KCNMA1: variants seen among roughly 807,000 people sequenced by gnomAD.
KCNMA1 encodes the protein Calcium-activated potassium channel subunit alpha-1.
In KCNMA1, 29 loss-of-function variants were observed where a neutral mutation model predicts 140.0. That is an observed-to-expected ratio of 0.21 (90% CI 0.15 to 0.28). KCNMA1 has a LOEUF of 0.28. KCNMA1 is among the 10% of genes least tolerant of loss of function. KCNMA1 has a pLI of 1.00. For synonymous variants in KCNMA1, 612 were observed against 611.9 expected (o/e 1.00, Z 0.00); for missense variants, 880 against 1,602.2 (o/e 0.55, Z 7.70).
chr10:77,579,994 A>G (rs2075383002), intron 1 of KCNMA1, among the ~76,000 whole-genome samples: 1 of 152,192 alleles, frequency 6.6e-6, no homozygotes, highest in African/African-American at 2.4e-5. Flanking sequence ...CTCCCCACAC[A>G]TATCCAGCTA....
intron 5 of KCNMA1, among the ~76,000 whole-genome samples, chr10:77,151,653 C>G (rs2098419963): frequency 6.6e-6 from 1 of 152,168 alleles, no homozygotes; most frequent in Non-Finnish European, 1.5e-5. Context: ...GGGCCAGATA[C>G]ATTTGAATGC....
intron 5 of KCNMA1, among the ~76,000 whole-genome samples, chr10:77,163,668 G>A (rs2098598241): frequency 6.6e-6 from 1 of 152,222 alleles, no homozygotes. Context: ...CAACAGTGAG[G>A]AGAGCTAAGA....
chr10:77,598,464 C>A (rs1722029011), intron 1 of KCNMA1, among the ~76,000 whole-genome samples: 1 of 152,182 alleles, frequency 6.6e-6, no homozygotes, highest in African/African-American at 2.4e-5. Flanking sequence ...CCACCCTAGG[C>A]CCTAAGCACT....
intron 3 of KCNMA1, among the ~76,000 whole-genome samples, chr10:77,185,216 C>T (rs942285197): frequency 6.6e-6 from 1 of 151,874 alleles, no homozygotes; most frequent in African/African-American, 2.4e-5. Flanking sequence ...TGCAGATACC[C>T]TGGAGGAAGG....
intron 2 of KCNMA1, among the ~76,000 whole-genome samples, chr10:77,366,854 C>G (rs925329440): frequency 4.6e-5 from 7 of 152,150 alleles, no homozygotes; most frequent in Non-Finnish European, 1.0e-4. Context: ...ATTATTTTCC[C>G]CATAGTTCCT....
chr10:76,891,707 C>A lies in KCNMA1; in HGVS notation c.3160G>T (p.Asp1054Tyr). The change falls in exon 26 of 28, where the codon GAC becomes TAC. Residue 1054 changes from aspartate (D) to tyrosine (Y), a missense_variant. By Grantham distance (160) the Asp-to-Tyr change is radical. Coordinates refer to ENST00000286628, the MANE Select transcript of KCNMA1 (RefSeq NM_001161352.2). ...GTCCGTATCAGGGTGAGGATATTGT[C>A]ATTGAAGTACGTCTGGGGAAGGAGA... ...DSLMSATYFN[D>Y]NILTLIRTLV... 1.2e-6 allele frequency: 2 copies of A among 1,613,862 alleles called. No individual in the cohort carries two copies. Among genetic ancestry groups the A allele is most frequent in the South Asian group, 2.2e-5 (2 of 91,060 alleles).
At chr10:77,474,924 A>C (rs982864463) in intron 1 of KCNMA1, among the ~76,000 whole-genome samples, 1 of 152,086 alleles carries the variant, frequency 6.6e-6, no homozygotes, top group Non-Finnish European at 1.5e-5. Context: ...CAGGACTAAC[A>C]ATTTTGCCCC....
At chr10:77,413,690 T>C (rs548403179) in intron 1 of KCNMA1, among the ~76,000 whole-genome samples, 2 of 152,238 alleles carry the variant, frequency 1.3e-5, no homozygotes, top group Admixed American at 6.5e-5. Context: ...GGAAGTTGCA[T>C]AGTCCAACCT....
At chr10:77,457,380 T>C (rs2097778053) in intron 1 of KCNMA1, among the ~76,000 whole-genome samples, 1 of 152,132 alleles carries the variant, frequency 6.6e-6, no homozygotes, top group Non-Finnish European at 1.5e-5. Context: ...AGAGAACATG[T>C]CCATCATTAT....
chr10:77,093,520 G>A (rs925207568), intron 9 of KCNMA1, among the ~76,000 whole-genome samples: 1 of 152,204 alleles, frequency 6.6e-6, no homozygotes, highest in Non-Finnish European at 1.5e-5. Flanking sequence ...GGGAGAAGCT[G>A]CCTCTAACTC....
intron 3 of KCNMA1, among the ~76,000 whole-genome samples, chr10:77,233,408 A>C (rs954279429): frequency 3.9e-5 from 6 of 152,170 alleles, no homozygotes; most frequent in Admixed American, 2.0e-4. Context: ...AAAAAATTAC[A>C]TCTTTATTTT....
At chr10:77,318,155 G>T (rs1350260688) in intron 2 of KCNMA1, among the ~76,000 whole-genome samples, 1 of 152,134 alleles carries the variant, frequency 6.6e-6, no homozygotes, top group African/African-American at 2.4e-5. Context: ...ACTTAGAAAG[G>T]TTATCATTAA....
At chr10:77,520,319 G>A (rs1184007179) in intron 1 of KCNMA1, among the ~76,000 whole-genome samples, 1 of 149,898 alleles carries the variant, frequency 6.7e-6, no homozygotes, top group Non-Finnish European at 1.5e-5. Flanking sequence ...CAGTGTGAGG[G>A]TATCCAGTGT....
At chr10:77,314,923 A>AACAC (rs3998084) in intron 2 of KCNMA1, among the ~76,000 whole-genome samples, 3,473 of 146,314 alleles carry the variant, frequency 0.024, 53 homozygotes, top group Middle Eastern at 0.034. Flanking sequence ...CCACACCCCC[A>AACAC]ACACACACAC....
At chr10:77,354,793 G>C (rs1307968899) in intron 2 of KCNMA1, among the ~76,000 whole-genome samples, 1 of 152,192 alleles carries the variant, frequency 6.6e-6, no homozygotes, top group East Asian at 1.9e-4. Context: ...TCCAAGGAAA[G>C]GCCTAGAATT....
At chr10:77,169,598 T>A (rs1275811159) in intron 5 of KCNMA1, among the ~76,000 whole-genome samples, 3 of 152,038 alleles carry the variant, frequency 2.0e-5, no homozygotes, top group Non-Finnish European at 4.4e-5. Flanking sequence ...CTCACTGTGT[T>A]GCCTAGGCTG....
intron 1 of KCNMA1, among the ~76,000 whole-genome samples, chr10:77,627,773 A>T (rs1220211748): frequency 6.6e-6 from 1 of 152,318 alleles, no homozygotes; most frequent in South Asian, 2.1e-4. Context: ...TTCCAAGTTC[A>T]TCGTAAGGTG....
chr10:77,121,145 G>T, intron 5 of KCNMA1, 97 bp from the exon 6 acceptor site: 1 of 791,228 alleles, frequency 1.3e-6, no homozygotes, highest in Non-Finnish European at 2.2e-6. Context: ...GGGTCGAAGG[G>T]ATGGGAAGTT....
chr10:76,891,782 C>T lies in KCNMA1; in HGVS notation c.3148-63G>A, dbSNP rs1269781777. ...GCAAACACCCTAAAGTCATGACAGC[C>T]GACATCCAAATTACAACTTTTCTTG... On this transcript the variant is annotated intron_variant, in intron 25 of 27. Transcript: ENST00000286628. 1.5e-5 allele frequency: 21 copies of T among 1,368,658 alleles called. No homozygotes were observed. The Admixed American group carries it at 2.2e-4, about 14-fold the overall frequency. The allele number at this position is 1,368,658 out of a possible 1,614,324, so 84.8% of individuals were successfully genotyped here. A position where few individuals can be genotyped will look rare whatever the true frequency, so the allele number is the denominator to read the frequency against.
Sources: allele counts gnomAD v4.1 joint callset (sites outside exome capture counted in the v4.1 genomes callset), GRCh38; gene constraint gnomAD v4.1.1; transcripts MANE v1.5; gene names NCBI Gene and HGNC (gene_info 2026-07-23, HGNC 2026-07-21).